The following RBM11 variants were observed in gnomAD, a reference collection of about 807,000 sequenced individuals.
The protein encoded by RBM11 is splicing regulator RBM11.
Under a neutral mutation model 21.4 loss-of-function variants are expected in RBM11, and 18 were observed. The observed-to-expected ratio is 0.84, with a 90% confidence interval of 0.58 to 1.25. The LOEUF (loss-of-function observed/expected upper bound fraction) is 1.25, where lower values mean the gene tolerates loss of function less well. RBM11 is among the 50% of genes most tolerant of loss of function. The probability of loss-of-function intolerance (pLI) is 0.00; values close to 1 mark genes in which losing one functional copy is unlikely to be tolerated. For synonymous variants in RBM11, 120 were observed against 116.3 expected (o/e 1.03, Z -0.20); for missense variants, 294 against 331.9 (o/e 0.89, Z 0.89).
Position 14,219,523 on chromosome 21 carries a change from C to A in RBM11, c.97-40C>A, listed in dbSNP as rs201747474. On this transcript the variant is annotated intron_variant, in intron 1 of 4. Coordinates refer to ENST00000400577, the MANE Select transcript of RBM11 (RefSeq NM_144770.5). ...TTACTTATTTGAGTATAAAAAAAAT[C>A]TTTGGATTTATGAGAAAATAATTTT... The A allele has an allele frequency of 3.6e-3, 5,016 of 1,385,608 alleles. 13 individuals carry two copies. The highest frequency in any genetic ancestry group is 4.4e-3 in the Non-Finnish European group (4,582 of 1,048,442). The allele number at this position is 1,385,608 out of a possible 1,614,324, so 85.8% of individuals were successfully genotyped here.
intron 3 of RBM11, among the ~76,000 whole-genome samples, chr21:14,223,980 TGAA>T (rs1978881031): frequency 6.6e-6 from 1 of 152,136 alleles, no homozygotes; most frequent in Non-Finnish European, 1.5e-5. Flanking sequence ...CTCTCCAGCC[TGAA>T]GAACCATGAG....
intron 2 of RBM11, among the ~76,000 whole-genome samples, chr21:14,220,578 A>G (rs970772532): frequency 6.6e-6 from 1 of 152,148 alleles, no homozygotes; most frequent in African/African-American, 2.4e-5. Flanking sequence ...ACATGGTTGC[A>G]TCATGCTCTC....
At chr21:14,219,913 A>G (rs1978514965) in intron 2 of RBM11, among the ~76,000 whole-genome samples, 188 bp downstream of exon 2, 1 of 152,202 alleles carries the variant, frequency 6.6e-6, no homozygotes. Flanking sequence ...ATTAGTCTTG[A>G]CAAACCTATA....
intron 3 of RBM11, among the ~76,000 whole-genome samples, chr21:14,223,007 A>G (rs1978802385): frequency 2.0e-5 from 3 of 152,124 alleles, no homozygotes; most frequent in Admixed American, 1.3e-4. Context: ...CTTCTTCCTC[A>G]GGAGTTAGGA....
At chr21:14,224,693 C>G (rs1978953122) in intron 4 of RBM11, among the ~76,000 whole-genome samples, 156 bp downstream of exon 4, 1 of 152,224 alleles carries the variant, frequency 6.6e-6, no homozygotes, top group Admixed American at 6.5e-5. Context: ...CTAACACCAT[C>G]ATCCTAAATT....
At chr21:14,221,277 G>A (rs187370808) in intron 3 of RBM11, 108 bp downstream of exon 3, 2 of 1,239,246 alleles carry the variant, frequency 1.6e-6, no homozygotes, top group Non-Finnish European at 2.1e-6. Context: ...TTAGGCCTAG[G>A]ATAAAATTAA....
chr21:14,224,755 A>G (rs1005892041), intron 4 of RBM11, among the ~76,000 whole-genome samples: 2 of 152,216 alleles, frequency 1.3e-5, no homozygotes, highest in African/African-American at 4.8e-5. Context: ...AAAGGGATGG[A>G]CGGCAGTGAC....
intron 1 of RBM11, among the ~76,000 whole-genome samples, chr21:14,216,966 T>C (rs1393205801): frequency 1.3e-5 from 2 of 152,154 alleles, no homozygotes. Context: ...CCCCTAACCG[T>C]GTAATGATCC....
chr21:14,223,523 GAAAT>G (rs1978846087), intron 3 of RBM11, among the ~76,000 whole-genome samples: 1 of 152,182 alleles, frequency 6.6e-6, no homozygotes, highest in Non-Finnish European at 1.5e-5. Flanking sequence ...AGAGCTATCA[GAAAT>G]AATCTGTTTC....
chr21:14,219,521 A>G (rs1978475272), intron 1 of RBM11, 42 bp from the exon 2 acceptor site: 1 of 1,382,788 alleles, frequency 7.2e-7, no homozygotes, highest in Non-Finnish European at 9.6e-7. Context: ...TATAAAAAAA[A>G]TCTTTGGATT....
chr21:14,219,425 T>G (rs1342451773), intron 1 of RBM11, 138 bp from the exon 2 acceptor site: 47 of 589,978 alleles, frequency 8.0e-5, no homozygotes, highest in Non-Finnish European at 5.2e-5. Flanking sequence ...TAATATTTAT[T>G]ATTAGAAAGA....
chr21:14,225,086 C>T (rs1222283858), intron 4 of RBM11, among the ~76,000 whole-genome samples: 2 of 151,774 alleles, frequency 1.3e-5, no homozygotes, highest in African/African-American at 4.8e-5. Flanking sequence ...TCCAGCCTGG[C>T]CAATAGAGCA....
At position 14,216,181 on chromosome 21, in the gene RBM11, C is replaced by A. The variant is rs775036699; in HGVS notation, c.-6C>A. 3 of 1,611,974 alleles carry A rather than the reference C, an allele frequency of 1.9e-6. No individual in the cohort carries two copies. The highest frequency in any genetic ancestry group is 2.5e-6 in the Non-Finnish European group (3 of 1,178,726). On this transcript the variant is annotated 5_prime_UTR_variant, in exon 1 of 5. Transcript: ENST00000400577. ...TCCTACTTCATTCTACGGCCGAGAC[C>A]GGAGGATGTTCCCTGCTCAGGAGGA... is the stretch of plus-strand genomic sequence containing the variant.
At chr21:14,221,365 T>C in intron 3 of RBM11, 196 bp downstream of exon 3, 1 of 576,338 alleles carries the variant, frequency 1.7e-6, no homozygotes, top group East Asian at 3.7e-5. Flanking sequence ...ATATTTTCAG[T>C]AGTAGGGGGT....
At position 14,227,236 on chromosome 21, in the gene RBM11, C is replaced by T. The variant is rs779786728; in HGVS notation, c.789C>T (p.Asn263=). Residue 263 remains asparagine, a synonymous_variant, in exon 5 of 5, where the codon AAC becomes AAT. Coordinates refer to ENST00000400577, the MANE Select transcript of RBM11 (RefSeq NM_144770.5). ...ATAGTGATAGTAGCACAGACAACAA[C>T]AGAGGCAACGAATGTAGCCAAAAGT... ...TSDSDSSTDN[N]RGNECSQKFR... is the part of the protein sequence containing the mutation. 6.2e-7 allele frequency: 1 copy of T among 1,613,830 alleles called. No homozygotes were observed. The highest frequency in any genetic ancestry group is 1.1e-5 in the South Asian group (1 of 91,040).
At chr21:14,222,406 T>G (rs545078372) in intron 3 of RBM11, among the ~76,000 whole-genome samples, 3 of 152,232 alleles carry the variant, frequency 2.0e-5, no homozygotes, top group Admixed American at 1.3e-4. Context: ...TTTTCTTGTC[T>G]TCTTTAGCAG....
chr21:14,218,566 G>A (rs1978398123), intron 1 of RBM11, among the ~76,000 whole-genome samples: 1 of 152,128 alleles, frequency 6.6e-6, no homozygotes, highest in South Asian at 2.1e-4. Flanking sequence ...GGGAAGGGAA[G>A]CTAGTCCCTG....
chr21:14,221,105 C>G lies in RBM11; in HGVS notation c.268C>G (p.Arg90Gly), dbSNP rs552804707. 5 of 1,575,120 alleles carry G rather than the reference C, an allele frequency of 3.2e-6. No individual in the cohort carries two copies. In the East Asian group the frequency reaches 1.1e-4, roughly 36 times the overall value. ...CTCTGTTTCTTTCAAAGGGAGTTCT[C>G]GCTCTTCTGAACCAGCTAACCAAAG... ...INVQYRFGSS[R>G]SSEPANQSFE... The change falls in exon 3 of 5, where the codon CGC becomes GGC. Residue 90 changes from arginine (R) to glycine (G), a missense_variant. By Grantham distance (125) the Arg-to-Gly change is moderately radical. This residue lies in a region of RBM11 where 181 missense variants were observed against 164.6 expected (regional missense o/e 1.10). Coordinates refer to ENST00000400577, the MANE Select transcript of RBM11 (RefSeq NM_144770.5).
In RBM11 at chr21:14,226,784, T is replaced by C. The variant is rs998112235; in HGVS notation, c.433-96T>C. ...TTTCTTATACCAAAACACAGTTTAG[T>C]TTACTCATGGCTATTGTATAATACA... On this transcript the variant is annotated intron_variant, in intron 4 of 4. Transcript: ENST00000400577. The C allele has an allele frequency of 2.4e-5, 36 of 1,487,360 alleles. No individual in the cohort carries two copies. The Admixed American group carries it at 8.2e-4, about 34-fold the overall frequency. 92.1% of individuals were successfully genotyped at this position (1,487,360 alleles called of 1,614,324 possible).
Sources: gnomAD v4.1 joint callset for allele counts (sites outside exome capture counted in the v4.1 genomes callset) on GRCh38, gnomAD v4.1.1 for gene constraint, gnomAD v4.1.1 regional missense constraint, MANE v1.5 for transcripts, NCBI Gene and HGNC (gene_info 2026-07-23, HGNC 2026-07-21) for gene names.